The following SPAST variants were observed in gnomAD, a reference collection of about 807,000 sequenced individuals.
SPAST encodes the protein spastin, also known as spastic paraplegia 4 (autosomal dominant; spastin).
SPAST carries 30 observed loss-of-function variants against 76.6 expected under a neutral mutation model. The ratio of observed to expected loss-of-function variants is 0.39; its 90% CI spans 0.29 to 0.53. SPAST has a LOEUF of 0.53. Among genes scored for constraint, SPAST ranks in the 20% least tolerant of loss-of-function variants. SPAST has a pLI of 0.68. For missense variants in SPAST, 717 were observed against 770.5 expected, an observed-to-expected ratio of 0.93 and a Z score of 0.82; for synonymous variants, 305 against 281.0, an observed-to-expected ratio of 1.09 and a Z score of -0.86.
intron 16 of SPAST, among the ~76,000 whole-genome samples, chr2:32,153,001 G>C (rs1020493480): frequency 5.9e-5 from 9 of 152,024 alleles, no homozygotes; most frequent in Non-Finnish European, 1.0e-4. Flanking sequence ...ACTTGCTTCA[G>C]CCTCCCAAAG....
rs1573174147 is a variant in SPAST, at chr2:32,147,217, G to A, written c.1688-1G>A. 6.2e-7 allele frequency: 1 copy of A among 1,607,710 alleles called. No individual in the cohort carries two copies. The highest frequency in any genetic ancestry group is 8.5e-7 in the Non-Finnish European group (1 of 1,174,614). Reference sequence around the variant, plus strand: ...AAGTGCCTGACTTTTATGTTTTACAGAACTAAAACCAGAACAGGTGAAGAA... The same window carrying A: ...AAGTGCCTGACTTTTATGTTTTACAAAACTAAAACCAGAACAGGTGAAGAA... On this transcript the variant is annotated splice_acceptor_variant, in intron 15 of 16. Transcript: ENST00000315285. LOFTEE classifies it high-confidence loss of function.
chr2:32,075,687 C>G (rs1311789849), intron 1 of SPAST, among the ~76,000 whole-genome samples: 5 of 147,482 alleles, frequency 3.4e-5, no homozygotes, highest in African/African-American at 1.2e-4. Flanking sequence ...GTAGATGGGA[C>G]TACAGGCACA....
intron 3 of SPAST, among the ~76,000 whole-genome samples, chr2:32,096,685 A>G (rs1677928991): frequency 6.6e-6 from 1 of 152,066 alleles, no homozygotes; most frequent in Non-Finnish European, 1.5e-5. Context: ...TTTATTACAT[A>G]ATGAATGGTT....
intron 12 of SPAST, among the ~76,000 whole-genome samples, chr2:32,141,597 C>T (rs149889116): frequency 1.3e-5 from 2 of 152,248 alleles, no homozygotes; most frequent in Non-Finnish European, 2.9e-5. Context: ...ATTATCCTTG[C>T]TGATTTTAGT....
Position 32,115,820 on chromosome 2 carries a change from A to G in SPAST, c.989A>G (p.Asn330Ser). ...AGCAACCTTGCTAACCTTATAATGA[A>G]TGAAATTGTGGACAAGTAAGTTTTG... The part of the protein sequence containing the change: ...VDSNLANLIM[N>S]EIVDNGTAVK... The change falls in exon 6 of 17, where the codon AAT (asparagine) becomes AGT (serine). Residue 330 changes from asparagine (N) to serine (S), a missense_variant. By Grantham distance (46) the Asn-to-Ser change is conservative (BLOSUM62 1). This residue lies in a region of SPAST where 543 missense variants were observed against 445.2 expected (regional missense o/e 1.22). Coordinates refer to ENST00000315285, the MANE Select transcript of SPAST (RefSeq NM_014946.4). 1 of 1,609,076 alleles carries G rather than the reference A, an allele frequency of 6.2e-7. No individual in the cohort carries two copies. The highest frequency in any genetic ancestry group is 8.5e-7 in the Non-Finnish European group (1 of 1,177,088).
intron 15 of SPAST, 23 bp downstream of exon 15, chr2:32,145,030 C>CAAAT (rs1382855864): frequency 6.4e-6 from 10 of 1,551,044 alleles, no homozygotes; most frequent in Non-Finnish European, 7.1e-6. Context: ...GAGCTTAAAA[C>CAAAT]ATTTAGAACT....
chr2:32,063,899 G>C lies in SPAST; in HGVS notation c.68G>C (p.Arg23Thr). 2.5e-6 allele frequency: 4 copies of C among 1,582,166 alleles called. No individual in the cohort carries two copies. Among genetic ancestry groups the C allele is most frequent in the Non-Finnish European group, 3.4e-6 (4 of 1,166,100 alleles). Residue 23 changes from arginine to threonine, a missense_variant, in exon 1 of 17, where the codon AGG becomes ACG. Physicochemically the swap from Arg to Thr is moderately conservative, Grantham distance 71. This residue lies in a region of SPAST where 543 missense variants were observed against 445.2 expected (regional missense o/e 1.22). Transcript: ENST00000315285. ...SGGASNPVPPRPPPPCLAPAP... is the reference protein window; with the variant it reads ...SGGASNPVPPTPPPPCLAPAP... Reference sequence around the variant, plus strand: ...GGCGCCAGCAACCCGGTGCCTCCCAGGCCTCCGCCCCCTTGCCTGGCCCCC... The same window carrying C: ...GGCGCCAGCAACCCGGTGCCTCCCACGCCTCCGCCCCCTTGCCTGGCCCCC...
At position 32,155,051 on chromosome 2, in the gene SPAST, G is replaced by GT. The variant is rs1680208904; in HGVS notation, c.*558dup. 6.5e-6 allele frequency: 1 copy of GT among 153,294 alleles called. No individual in the cohort carries two copies. The highest frequency in any genetic ancestry group is 1.5e-5 in the Non-Finnish European group (1 of 68,548). The allele number at this position is 153,294 out of a possible 1,614,324, so 9.5% of individuals were successfully genotyped here. On this transcript the variant is annotated 3_prime_UTR_variant, in exon 17 of 17. Coordinates refer to ENST00000315285, the MANE Select transcript of SPAST (RefSeq NM_014946.4). ...TCCTAAGTAACTGTAATAGGAAAAA[G>GT]TTTATTTTGAGAGTTTCTTCTTCAT...
chr2:32,083,776 A>ATATATTT (rs1553398791), intron 1 of SPAST, among the ~76,000 whole-genome samples: 1 of 46,084 alleles, frequency 2.2e-5, no homozygotes, highest in Non-Finnish European at 3.7e-5. Context: ...ATATATATAT[A>ATATATTT]TTTTTTTTTT....
intron 4 of SPAST, among the ~76,000 whole-genome samples, chr2:32,107,614 A>G (rs1002884828): frequency 6.6e-6 from 1 of 152,148 alleles, no homozygotes. Context: ...AGTATTTTGC[A>G]TTTTGGATTT....
At chr2:32,069,531 C>G (rs932296102) in intron 1 of SPAST, among the ~76,000 whole-genome samples, 1 of 151,542 alleles carries the variant, frequency 6.6e-6, no homozygotes, top group African/African-American at 2.4e-5. Flanking sequence ...CACTGCCATT[C>G]CCTTGGCAAC....
chr2:32,100,804 GGCT>G (rs1464102589), intron 4 of SPAST, among the ~76,000 whole-genome samples: 2 of 152,214 alleles, frequency 1.3e-5, no homozygotes, highest in Admixed American at 1.3e-4. Flanking sequence ...CCTTTTTGAT[GGCT>G]GCTTAGTATT....
At chr2:32,067,981 CT>C (rs755475755) in intron 1 of SPAST, among the ~76,000 whole-genome samples, 1,435 of 140,386 alleles carry the variant, frequency 0.01, 19 homozygotes, top group South Asian at 0.052. Context: ...TTTCTCTTTT[CT>C]TTTTTTTTTT....
chr2:32,100,819 C>A (rs915750186), intron 4 of SPAST, among the ~76,000 whole-genome samples: 13 of 152,150 alleles, frequency 8.5e-5, no homozygotes, highest in Admixed American at 3.3e-4. Context: ...CTTAGTATTC[C>A]ATGGTGTATA....
intron 1 of SPAST, among the ~76,000 whole-genome samples, chr2:32,069,528 A>C (rs1401589823): frequency 6.6e-6 from 1 of 150,380 alleles, no homozygotes; most frequent in African/African-American, 2.4e-5. Context: ...ATGCACTGCC[A>C]TTCCCTTGGC....
At chr2:32,120,858 A>G (rs1461561483) in intron 7 of SPAST, among the ~76,000 whole-genome samples, 1 of 152,152 alleles carries the variant, frequency 6.6e-6, no homozygotes. Flanking sequence ...TGTAGTTTTG[A>G]AAATATCTTT....
intron 1 of SPAST, among the ~76,000 whole-genome samples, chr2:32,081,229 T>A (rs2148703218): frequency 1.3e-5 from 2 of 152,236 alleles, no homozygotes; most frequent in Middle Eastern, 3.4e-3. Context: ...AGTGCTGGGA[T>A]TACAGGCGTG....
intron 9 of SPAST, among the ~76,000 whole-genome samples, chr2:32,136,152 C>A (rs111683264): frequency 6.6e-6 from 1 of 151,798 alleles, no homozygotes; most frequent in Non-Finnish European, 1.5e-5. Context: ...TTCTTAATAG[C>A]GCAAGTTTTG....
intron 1 of SPAST, among the ~76,000 whole-genome samples, chr2:32,070,203 C>T (rs1321406733): frequency 6.6e-6 from 1 of 151,774 alleles, no homozygotes; most frequent in Non-Finnish European, 1.5e-5. Context: ...GTAGCTGGTA[C>T]TACAGGCGTG....
Sources: allele counts gnomAD v4.1 joint callset (sites outside exome capture counted in the v4.1 genomes callset), GRCh38; gene constraint gnomAD v4.1.1; regional missense constraint gnomAD v4.1.1; transcripts MANE v1.5; gene names NCBI Gene and HGNC (gene_info 2026-07-23, HGNC 2026-07-21).